The following SLMAP variants were observed in gnomAD, a reference collection of about 807,000 sequenced individuals.
SLMAP encodes the protein sarcolemmal membrane-associated protein.
In SLMAP, 44 loss-of-function variants were observed where a neutral mutation model predicts 128.8. The observed-to-expected ratio is 0.34, with a 90% confidence interval of 0.27 to 0.44. The LOEUF (loss-of-function observed/expected upper bound fraction) is 0.44, where lower values mean the gene tolerates loss of function less well. Among genes scored for constraint, SLMAP ranks in the 20% least tolerant of loss-of-function variants. The pLI, the probability that SLMAP is intolerant of heterozygous loss-of-function variation, is 1.00. For missense variants in SLMAP, 787 were observed against 985.3 expected (o/e 0.80, Z 2.69); for synonymous variants, 327 against 348.8 (o/e 0.94, Z 0.70).
chr3:57,834,976 G>C (rs1026053753), intron 3 of SLMAP, among the ~76,000 whole-genome samples: 1 of 151,452 alleles, frequency 6.6e-6, no homozygotes, highest in African/African-American at 2.4e-5. Flanking sequence ...GCAAGAATCA[G>C]CTGGGCGTGG....
chr3:57,877,989 C>T (rs866057390), intron 14 of SLMAP, among the ~76,000 whole-genome samples: 1 of 151,758 alleles, frequency 6.6e-6, no homozygotes, highest in Non-Finnish European at 1.5e-5. Flanking sequence ...CACCCGCTAC[C>T]ATACCCGGCT....
At position 57,889,920 on chromosome 3, in the gene SLMAP, G is replaced by A. The variant is rs1001961929; in HGVS notation, c.1301-121G>A. 9 of 632,032 alleles carry A rather than the reference G, an allele frequency of 1.4e-5. No homozygotes were observed. The African/African-American group carries it at 1.6e-4, about 12-fold the overall frequency. The allele number at this position is 632,032 out of a possible 1,614,324, so 39.2% of individuals were successfully genotyped here. A position where few individuals can be genotyped will look rare whatever the true frequency, so the allele number is the denominator to read the frequency against. Reference sequence around the variant, plus strand: ...CTTCCAGATTCAAGTTTTTATTCAAGCTTGGTCATAGGAGTAATGTTATCA... The same window carrying A: ...CTTCCAGATTCAAGTTTTTATTCAAACTTGGTCATAGGAGTAATGTTATCA... On this transcript the variant is annotated intron_variant, in intron 14 of 24. Transcript: ENST00000671191.
chr3:57,869,660 A>ATAAT (rs1553900183), intron 13 of SLMAP, among the ~76,000 whole-genome samples: 3 of 81,392 alleles, frequency 3.7e-5, no homozygotes, highest in South Asian at 3.8e-4. Context: ...ATATATATAT[A>ATAAT]ATATATATAA....
chr3:57,786,731 A>ATTTTTT (rs35138483), intron 2 of SLMAP, among the ~76,000 whole-genome samples: 5 of 88,738 alleles, frequency 5.6e-5, no homozygotes, highest in Admixed American at 1.3e-4. Context: ...TAGTCTTTGT[A>ATTTTTT]TTTTTTTTTT....
At chr3:57,832,032 A>T (rs2093369297) in intron 3 of SLMAP, among the ~76,000 whole-genome samples, 2 of 152,220 alleles carry the variant, frequency 1.3e-5, no homozygotes, top group Non-Finnish European at 2.9e-5. Context: ...CTAGGCAAAA[A>T]GGATGAGGCG....
chr3:57,863,767 A>T (rs192513469), intron 10 of SLMAP, among the ~76,000 whole-genome samples: 1 of 152,312 alleles, frequency 6.6e-6, no homozygotes, highest in African/African-American at 2.4e-5. Context: ...AACACTGAGG[A>T]TCAAATTTCA....
At chr3:57,916,156 CAAA>C (rs75785421) in intron 21 of SLMAP, among the ~76,000 whole-genome samples, 1 of 128,176 alleles carries the variant, frequency 7.8e-6, no homozygotes. Flanking sequence ...AACTCTGTCT[CAAA>C]AAAAAAAAAA....
At chr3:57,837,998 G>T (rs1448060921) in intron 3 of SLMAP, among the ~76,000 whole-genome samples, 1 of 152,130 alleles carries the variant, frequency 6.6e-6, no homozygotes, top group Non-Finnish European at 1.5e-5. Flanking sequence ...GTACTGCCCA[G>T]TCAATATTAG....
At chr3:57,912,728 T>G in intron 20 of SLMAP, 27 bp downstream of exon 20, 2 of 1,539,804 alleles carry the variant, frequency 1.3e-6, no homozygotes, top group Non-Finnish European at 1.8e-6. Context: ...TACATAAAGC[T>G]GTTAACTTTT....
chr3:57,866,289 A>G (rs577848508), intron 13 of SLMAP, among the ~76,000 whole-genome samples: 1 of 149,960 alleles, frequency 6.7e-6, no homozygotes, highest in Admixed American at 6.6e-5. Flanking sequence ...AAAAGAAAAG[A>G]AAAGAAAAGA....
intron 2 of SLMAP, among the ~76,000 whole-genome samples, chr3:57,792,618 C>A (rs1388838713): frequency 6.6e-6 from 1 of 151,890 alleles, no homozygotes; most frequent in African/African-American, 2.4e-5. Context: ...TTTAAATTGA[C>A]CATGATGAAT....
intron 6 of SLMAP, among the ~76,000 whole-genome samples, chr3:57,852,549 T>C (rs141475982): frequency 7.2e-4 from 110 of 152,324 alleles, no homozygotes; most frequent in African/African-American, 2.5e-3. Context: ...AAAATTAATA[T>C]ATGTAAAGCA....
intron 14 of SLMAP, among the ~76,000 whole-genome samples, chr3:57,872,985 C>T (rs115366253): frequency 0.017 from 2,536 of 152,174 alleles, 62 homozygotes; most frequent in African/African-American, 0.058. Context: ...ACCTCAGGAG[C>T]GCTTGGGGGT....
intron 15 of SLMAP, among the ~76,000 whole-genome samples, chr3:57,893,403 A>C (rs2096146836): frequency 6.6e-6 from 1 of 151,924 alleles, no homozygotes; most frequent in Non-Finnish European, 1.5e-5. Flanking sequence ...CAGCCTGGGC[A>C]ACAGAGCAAG....
Position 57,857,955 on chromosome 3 carries a change from A to G in SLMAP, c.615+127A>G, listed in dbSNP as rs1380647147. On this transcript the variant is annotated intron_variant, in intron 7 of 24. Transcript: ENST00000671191. ...CTAACTAATGAACAAGTTGTTGAAG[A>G]TTTAGCATTTTACAGTGGATGCTGG... is the stretch of plus-strand genomic sequence containing the variant. 4.2e-6 allele frequency: 4 copies of G among 941,998 alleles called. No individual in the cohort carries two copies. In the Admixed American group the frequency reaches 6.6e-5, roughly 16 times the overall value. The allele number at this position is 941,998 out of a possible 1,614,324, so 58.4% of individuals were successfully genotyped here.
At chr3:57,784,959 G>A (rs1224861586) in intron 2 of SLMAP, among the ~76,000 whole-genome samples, 3 of 152,020 alleles carry the variant, frequency 2.0e-5, no homozygotes, top group Admixed American at 1.3e-4. Flanking sequence ...CAGCAAGAAG[G>A]CCCTCACCAG....
intron 2 of SLMAP, among the ~76,000 whole-genome samples, chr3:57,784,330 C>T (rs567114536): frequency 3.3e-5 from 5 of 152,272 alleles, no homozygotes; most frequent in African/African-American, 1.2e-4. Flanking sequence ...GTGAGCCCAA[C>T]CTTTCCCCAG....
chr3:57,914,671 C>T, intron 21 of SLMAP, among the ~76,000 whole-genome samples: 1 of 151,888 alleles, frequency 6.6e-6, no homozygotes. Context: ...CAACCTCCAC[C>T]CCCTGGGGTC....
At chr3:57,871,795 G>A (rs2095485591) in intron 14 of SLMAP, 97 bp downstream of exon 14, 1 of 895,936 alleles carries the variant, frequency 1.1e-6, no homozygotes, top group Non-Finnish European at 1.8e-6. Flanking sequence ...GTTTGTTATA[G>A]CAGAAGTGCT....
Sources: allele counts gnomAD v4.1 joint callset (sites outside exome capture counted in the v4.1 genomes callset), GRCh38; gene constraint gnomAD v4.1.1; transcripts MANE v1.5; gene names NCBI Gene and HGNC (gene_info 2026-07-23, HGNC 2026-07-21).